PMS2: variants seen among roughly 807,000 people sequenced by gnomAD.
PMS2 encodes mismatch repair endonuclease PMS2.
In PMS2, 69 loss-of-function variants were observed where a neutral mutation model predicts 90.0. The observed-to-expected ratio is 0.77, with a 90% CI of 0.63 to 0.94. PMS2 has a LOEUF of 0.94. Ranked by LOEUF, PMS2 falls within the 40% of genes least tolerant of loss-of-function variation. The pLI is 0.00. For missense variants in PMS2, 966 were observed against 1,040.2 expected, an observed-to-expected ratio of 0.93 and a Z score of 0.98; for synonymous variants, 332 against 375.1, an observed-to-expected ratio of 0.89 and a Z score of 1.33.
At chr7:5,978,141 C>T (rs1311567117) in intron 13 of PMS2, among the ~76,000 whole-genome samples, 2 of 149,972 alleles carry the variant, frequency 1.3e-5, no homozygotes, top group African/African-American at 2.5e-5. Flanking sequence ...AAAGTGAACA[C>T]CTGAAAGAGA....
rs1064793426 is a variant in PMS2 at position 5,986,955 on chromosome 7, G to T, written c.1810C>A (p.Gln604Lys). Residue 604 changes from glutamine to lysine, a missense_variant, in exon 11 of 15, where the codon CAG becomes AAG. By Grantham distance (53) the Gln-to-Lys change is moderately conservative. This residue lies in a region of PMS2 where 871 missense variants were observed against 802.4 expected (regional missense o/e 1.09). Transcript: ENST00000265849. Reference sequence around the variant, plus strand: ...TTAATTTTCACAGCTACATCAACCTGAGAGGCTGACATGTCCTGAGTATTT... The same window carrying T: ...TTAATTTTCACAGCTACATCAACCTTAGAGGCTGACATGTCCTGAGTATTT... The part of the protein sequence containing the change: ...LVNTQDMSAS[Q>K]VDVAVKINKK... 1 of 1,613,540 alleles carries T rather than the reference G, an allele frequency of 6.2e-7. No individual in the cohort carries two copies. The highest frequency in any genetic ancestry group is 1.3e-5 in the African/African-American group (1 of 75,044).
chr7:5,989,890 A>G lies in PMS2; in HGVS notation c.1054T>C (p.Leu352=), dbSNP rs1554298752. Residue 352 remains leucine (L), a synonymous_variant, in exon 10 of 15, where the codon TTG becomes CTG. Transcript: ENST00000265849. ...ATCAAAGAGGTCTTTAAAACTGCCAACAAAAGCTTTTCCTCTTGTAGCAAA... is the reference window on the plus strand; with the variant it reads ...ATCAAAGAGGTCTTTAAAACTGCCAGCAAAAGCTTTTCCTCTTGTAGCAAA... ...QILLQEEKLL[L]AVLKTSLIGM... 3 of 1,612,420 alleles carry G rather than the reference A, an allele frequency of 1.9e-6. No individual in the cohort carries two copies. In the South Asian group the frequency reaches 3.3e-5, roughly 18 times the overall value.
chr7:5,995,251 G>A (rs1442853405), intron 8 of PMS2, among the ~76,000 whole-genome samples: 1 of 151,996 alleles, frequency 6.6e-6, no homozygotes, highest in East Asian at 1.9e-4. Context: ...TGGCCAGGCT[G>A]GTCTCGAACT....
chr7:5,993,917 T>C (rs568089292), intron 8 of PMS2, among the ~76,000 whole-genome samples: 1 of 144,486 alleles, frequency 6.9e-6, no homozygotes, highest in African/African-American at 2.5e-5. Flanking sequence ...AATCAGTCTA[T>C]ACTGAAAGGT....
intron 4 of PMS2, 114 bp downstream of exon 4, chr7:6,003,576 A>G (rs1052156067): frequency 5.8e-6 from 4 of 687,690 alleles, no homozygotes; most frequent in Non-Finnish European, 1.0e-5. Context: ...AACAGAATTC[A>G]GAAGCTAGAA....
chr7:6,000,377 T>TAAAAAAAAA (rs67186373), intron 5 of PMS2, among the ~76,000 whole-genome samples: 1 of 122,824 alleles, frequency 8.1e-6, no homozygotes, highest in Non-Finnish European at 1.7e-5. Flanking sequence ...CTGTCTCAAT[T>TAAAAAAAAA]AAAAAAAAAA....
At chr7:5,994,808 A>G (rs905699894) in intron 8 of PMS2, among the ~76,000 whole-genome samples, 1 of 151,942 alleles carries the variant, frequency 6.6e-6, no homozygotes, top group African/African-American at 2.4e-5. Context: ...AAAATACTGT[A>G]TGTCAAAAAT....
Position 6,006,037 on chromosome 7 carries a change from G to T in PMS2, c.24-6C>A, listed in dbSNP as rs1465940485. Reference sequence around the variant, plus strand: ...TGGCCTTAGCAGGTTCTGTACTAGAGAAATCAGTTACAAGAAACAAATCAA... The same window carrying T: ...TGGCCTTAGCAGGTTCTGTACTAGATAAATCAGTTACAAGAAACAAATCAA... On this transcript the variant is annotated splice_region_variant and splice_polypyrimidine_tract_variant and intron_variant, in intron 1 of 14. Coordinates refer to ENST00000265849, the MANE Select transcript of PMS2 (RefSeq NM_000535.7). 1 of 1,610,534 alleles carries T rather than the reference G, an allele frequency of 6.2e-7. No homozygotes were observed. Among genetic ancestry groups the T allele is most frequent in the South Asian group, 1.1e-5 (1 of 90,978 alleles).
intron 5 of PMS2, among the ~76,000 whole-genome samples, chr7:6,000,108 T>C (rs1784926091): frequency 6.6e-6 from 1 of 151,538 alleles, no homozygotes; most frequent in Non-Finnish European, 1.5e-5. Flanking sequence ...GGCATGATGG[T>C]TCACACCTGT....
At chr7:6,002,300 T>A (rs1307552496) in intron 5 of PMS2, 153 bp downstream of exon 5, 1 of 649,176 alleles carries the variant, frequency 1.5e-6, no homozygotes, top group African/African-American at 1.8e-5. Context: ...TAAAGTTAAG[T>A]CTTTAATGTT....
intron 8 of PMS2, among the ~76,000 whole-genome samples, chr7:5,992,512 G>A (rs977421163): frequency 1.3e-4 from 19 of 151,918 alleles, no homozygotes; most frequent in Admixed American, 3.3e-4. Flanking sequence ...TAGAGATGGG[G>A]TTTCACCATG....
At position 6,003,631 on chromosome 7, in the gene PMS2, T is replaced by C. The variant is rs1459015364; in HGVS notation, c.353+59A>G. The C allele has an allele frequency of 1.4e-5, 12 of 878,140 alleles. No homozygotes were observed. The Admixed American group carries it at 1.8e-4, about 13-fold the overall frequency. 54.4% of individuals were successfully genotyped at this position (878,140 alleles called of 1,614,324 possible). ...AAACTGAAAATAATAATGATTCCAATTAATTTTCAGAGAGGTTTCTCTAAG... is the reference window on the plus strand; with the variant it reads ...AAACTGAAAATAATAATGATTCCAACTAATTTTCAGAGAGGTTTCTCTAAG... On this transcript the variant is annotated intron_variant, in intron 4 of 14. Transcript: ENST00000265849.
rs763308607 is a variant in PMS2 at position 6,004,059 on chromosome 7, C to G, written c.164-1G>C. ...ACTCCATAGTCCTTAAGCTTTAGAT[C>G]TAGAAAGTTTAAAATATTTACATAT... is the stretch of plus-strand genomic sequence containing the variant. On this transcript the variant is annotated splice_acceptor_variant, in intron 2 of 14. Coordinates refer to ENST00000265849, the MANE Select transcript of PMS2 (RefSeq NM_000535.7). LOFTEE classifies it high-confidence loss of function. 1 of 1,519,230 alleles carries G rather than the reference C, an allele frequency of 6.6e-7. No homozygotes were observed. The highest frequency in any genetic ancestry group is 2.3e-5 in the East Asian group (1 of 44,406). 94.1% of individuals were successfully genotyped at this position (1,519,230 alleles called of 1,614,324 possible). A position where few individuals can be genotyped will look rare whatever the true frequency, so the allele number is the denominator to read the frequency against.
intron 1 of PMS2, among the ~76,000 whole-genome samples, chr7:6,007,490 C>T (rs978810735): frequency 6.6e-6 from 1 of 152,154 alleles, no homozygotes; most frequent in African/African-American, 2.4e-5. Flanking sequence ...AAGCAGGTCT[C>T]TGTCTAAACC....
At position 6,003,698 on chromosome 7, in the gene PMS2, A is replaced by C; in HGVS notation, c.345T>G (p.Cys115Trp). Residue 115 changes from cysteine (C) to tryptophan (W), a missense_variant, in exon 4 of 15, where the codon TGT becomes TGG. Around this residue, in one of 2 missense-constraint regions of PMS2, gnomAD observed 871 missense variants for 802.4 expected, o/e 1.09. Coordinates refer to ENST00000265849, the MANE Select transcript of PMS2 (RefSeq NM_000535.7). Reference protein sequence around the residue: ...GFRGEALSSLCALSDVTISTC... With the variant: ...GFRGEALSSLWALSDVTISTC... ...TAAAAATATTGTATCACCTCAGTGC[A>C]CAAAGTGAGCTCAGAGCTTCCCCCC... 6.4e-7 allele frequency: 1 copy of C among 1,574,696 alleles called. No homozygotes were observed. Among genetic ancestry groups the C allele is most frequent in the Non-Finnish European group, 8.6e-7 (1 of 1,158,440 alleles).
At chr7:5,994,495 T>C (rs1192802524) in intron 8 of PMS2, among the ~76,000 whole-genome samples, 2 of 151,236 alleles carry the variant, frequency 1.3e-5, no homozygotes, top group Non-Finnish European at 1.5e-5. Context: ...TTGTATCTGC[T>C]GGGCGCGGTG....
Position 6,009,042 on chromosome 7 carries a change from C to A in PMS2, c.-23G>T. 6.2e-7 allele frequency: 1 copy of A among 1,612,334 alleles called. No homozygotes were observed. Among genetic ancestry groups the A allele is most frequent in the South Asian group, 1.1e-5 (1 of 91,018 alleles). ...CATGGATGCAACACCCGATCCGCCT[C>A]GGGGACTGGGAAAGTTCCCTCCAGG... On this transcript the variant is annotated 5_prime_UTR_variant, in exon 1 of 15. Transcript: ENST00000265849.
chr7:5,995,773 G>A lies in PMS2; in HGVS notation c.804-140C>T, dbSNP rs932347420. The A allele has an allele frequency of 2.1e-5, 15 of 700,936 alleles. No individual in the cohort carries two copies. In the African/African-American group the frequency reaches 2.3e-4, roughly 11 times the overall value. The allele number at this position is 700,936 out of a possible 1,614,324, so 43.4% of individuals were successfully genotyped here. ...TAAGGATCACTATTGCAGTTCACGG[G>A]TATCTGTGCTCCAAATCTTGATGAG... is the stretch of plus-strand genomic sequence containing the variant. On this transcript the variant is annotated intron_variant, in intron 7 of 14. Coordinates refer to ENST00000265849, the MANE Select transcript of PMS2 (RefSeq NM_000535.7).
chr7:5,985,528 A>T (rs1257562859), intron 11 of PMS2, among the ~76,000 whole-genome samples: 3 of 151,492 alleles, frequency 2.0e-5, no homozygotes, highest in African/African-American at 7.3e-5. Flanking sequence ...GTCCTCAGAA[A>T]AGGAACTCTT....
Sources: gnomAD v4.1 joint callset for allele counts (sites outside exome capture counted in the v4.1 genomes callset) on GRCh38, gnomAD v4.1.1 for gene constraint, gnomAD v4.1.1 regional missense constraint, MANE v1.5 for transcripts, NCBI Gene and HGNC (gene_info 2026-07-23, HGNC 2026-07-21) for gene names.